Variants in ARIH2 observed in about 807,000 individuals in gnomAD.
ARIH2 encodes the protein ariadne RBR E3 ubiquitin protein ligase 2.
A neutral mutation model predicts 79.8 loss-of-function variants in ARIH2; 12 were observed. The observed-to-expected ratio is 0.15, with a 90% CI of 0.10 to 0.24. The LOEUF is 0.24. Ranked by LOEUF, ARIH2 falls within the 10% of genes least tolerant of loss-of-function variation. The pLI is 1.00. For synonymous variants in ARIH2, 224 were observed against 213.9 expected (o/e 1.05, Z -0.41); for missense variants, 301 against 618.3 (o/e 0.49, Z 5.44).
intron 3 of ARIH2, among the ~76,000 whole-genome samples, chr3:48,956,898 G>A (rs1020269602): frequency 6.6e-6 from 1 of 151,836 alleles, no homozygotes; most frequent in Non-Finnish European, 1.5e-5. Context: ...TTAGAGACGG[G>A]GTTTCACCAT....
chr3:48,925,788 G>C (rs1018453282), intron 2 of ARIH2, among the ~76,000 whole-genome samples: 4 of 149,590 alleles, frequency 2.7e-5, no homozygotes, highest in African/African-American at 9.9e-5. Context: ...GCGGGATCTC[G>C]GCTCACTGCA....
intron 1 of ARIH2, chr3:48,919,233 GCCACCGCCTCTGACCAA>G: frequency 8.0e-7 from 1 of 1,250,654 alleles, no homozygotes. Flanking sequence ...AAGGTCAGAG[GCCACCGCCTCTGACCAA>G]CCGGCGCCGG....
intron 13 of ARIH2, 141 bp from the exon 14 acceptor site, chr3:48,981,519 G>T: frequency 5.7e-6 from 3 of 522,396 alleles, no homozygotes; most frequent in African/African-American, 2.0e-5. Flanking sequence ...TCCTCTATTT[G>T]GCCTAGTATC....
At chr3:48,982,851 G>T in intron 14 of ARIH2, 45 bp from the exon 15 acceptor site, 1 of 1,525,746 alleles carries the variant, frequency 6.6e-7, no homozygotes, top group Non-Finnish European at 9.1e-7. Context: ...CCCTGCCCCA[G>T]CCACAGCCCA....
chr3:48,968,467 C>T (rs750765373), intron 6 of ARIH2, 67 bp from the exon 7 acceptor site: 1 of 1,538,106 alleles, frequency 6.5e-7, no homozygotes, highest in Non-Finnish European at 8.9e-7. Context: ...CCTTGGCCTC[C>T]CAAAGTGCTG....
At chr3:48,926,467 A>G (rs1314491788) in intron 2 of ARIH2, among the ~76,000 whole-genome samples, 2 of 151,604 alleles carry the variant, frequency 1.3e-5, no homozygotes, top group African/African-American at 2.4e-5. Flanking sequence ...ACAGGGTTTC[A>G]CCATATTAGC....
rs2092852083 is a variant in ARIH2 at position 48,984,515 on chromosome 3, G to A, written c.*1245G>A. ...TGTACTAAGGAGGGTCTGGCCAGAG[G>A]AACAGACCAGCTTTTGCACAATGAA... On this transcript the variant is annotated 3_prime_UTR_variant, in exon 16 of 16. Coordinates refer to ENST00000356401, the MANE Select transcript of ARIH2 (RefSeq NM_006321.4). 6.6e-6 allele frequency: 1 copy of A among 152,362 alleles called. No individual in the cohort carries two copies. The highest frequency in any genetic ancestry group is 6.5e-5 in the Admixed American group (1 of 15,282). The allele number at this position is 152,362 out of a possible 1,614,324, so 9.4% of individuals were successfully genotyped here.
chr3:48,940,814 T>A (rs866500807), intron 3 of ARIH2, among the ~76,000 whole-genome samples: 2,845 of 114,908 alleles, frequency 0.025, 130 homozygotes, highest in African/African-American at 0.096. Context: ...AAAAAATATA[T>A]ATATATATAT....
chr3:48,952,763 A>G (rs771942577), intron 3 of ARIH2, among the ~76,000 whole-genome samples: 1 of 152,178 alleles, frequency 6.6e-6, no homozygotes, highest in African/African-American at 2.4e-5. Flanking sequence ...AGGTGCTGCA[A>G]AAGACATCAT....
rs1230339558 is a variant in ARIH2, at chr3:48,979,467, C to T, written c.962-15C>T. The T allele has an allele frequency of 6.2e-7, 1 of 1,611,554 alleles. No homozygotes were observed. Among genetic ancestry groups the T allele is most frequent in the Admixed American group, 1.7e-5 (1 of 59,780 alleles). ...GTCTTGTAGATGTAAATGACTCTTC[C>T]TCTGTTCTGCACAGACTTCTGCTGG... On this transcript the variant is annotated splice_polypyrimidine_tract_variant and intron_variant, in intron 11 of 15. Coordinates refer to ENST00000356401, the MANE Select transcript of ARIH2 (RefSeq NM_006321.4).
At chr3:48,919,305 G>GA in intron 1 of ARIH2, 1 of 934,794 alleles carries the variant, frequency 1.1e-6, no homozygotes. Flanking sequence ...GGGGAAACGC[G>GA]CCGCCTCGGG....
intron 13 of ARIH2, among the ~76,000 whole-genome samples, chr3:48,980,892 A>C (rs1025457328): frequency 2.0e-5 from 3 of 151,100 alleles, no homozygotes; most frequent in African/African-American, 7.3e-5. Context: ...ATGGTGGTGC[A>C]TGCCTGTAGT....
rs190869856 is a variant in ARIH2, at chr3:48,980,254, G to A, written c.1114-99G>A. ...GGGGAATAAGTTAGAGGAGTCTGTG[G>A]CCATGTCCTGCCAGCAAGGTGTCTA... On this transcript the variant is annotated intron_variant, in intron 12 of 15. Coordinates refer to ENST00000356401, the MANE Select transcript of ARIH2 (RefSeq NM_006321.4). 7 of 1,260,468 alleles carry A rather than the reference G, an allele frequency of 5.6e-6. No homozygotes were observed. The African/African-American group carries it at 1.0e-4, about 19-fold the overall frequency. The allele number at this position is 1,260,468 out of a possible 1,614,324, so 78.1% of individuals were successfully genotyped here.
chr3:48,928,335 T>C (rs982444069), intron 3 of ARIH2, among the ~76,000 whole-genome samples: 1 of 152,216 alleles, frequency 6.6e-6, no homozygotes, highest in African/African-American at 2.4e-5. Flanking sequence ...TAGGGGGTGT[T>C]AGTATGGAAA....
chr3:48,932,822 G>T (rs2086552392), intron 3 of ARIH2, among the ~76,000 whole-genome samples: 1 of 152,198 alleles, frequency 6.6e-6, no homozygotes, highest in South Asian at 2.1e-4. Context: ...GCTAGATCTA[G>T]TCCAGGAGGT....
At chr3:48,933,879 C>T (rs958822710) in intron 3 of ARIH2, among the ~76,000 whole-genome samples, 4 of 152,142 alleles carry the variant, frequency 2.6e-5, no homozygotes, top group Non-Finnish European at 4.4e-5. Context: ...GCCTGTTCCC[C>T]AGATAGGATT....
At position 48,937,907 on chromosome 3, in the gene ARIH2, C is replaced by T. The variant is rs190287427; in HGVS notation, c.255+10094C>T. On this transcript the variant is annotated intron_variant, in intron 3 of 15. Transcript: ENST00000356401. ...CTAAAAATACAAAAAATTAGCCGGT[C>T]GTAGTGGCGGGCGCCTGTAGTCCCA... Among the ~76,000 whole-genome samples the T allele has an allele frequency of 3.5e-4, 53 of 152,044 alleles. 1 individual carries two copies. The East Asian group carries it at 8.3e-3, about 24-fold the overall frequency.
At chr3:48,980,609 C>T in intron 13 of ARIH2, 113 bp downstream of exon 13, 2 of 1,236,198 alleles carry the variant, frequency 1.6e-6, no homozygotes, top group African/African-American at 1.5e-5. Context: ...CCCTGTGCAG[C>T]CTTTCATGCT....
rs370396255 is a variant in ARIH2, at chr3:48,974,968, A to G, written c.950A>G (p.Lys317Arg). 5 of 1,614,078 alleles carry G rather than the reference A, an allele frequency of 3.1e-6. No individual in the cohort carries two copies. In the African/African-American group the frequency reaches 4.0e-5, roughly 13 times the overall value. Residue 317 changes from lysine (K) to arginine (R), a missense_variant, in exon 11 of 16, where the codon AAA becomes AGA. This residue lies in a region of ARIH2 where 78 missense variants were observed against 268.9 expected (regional missense o/e 0.29). Transcript: ENST00000356401. The stretch of plus-strand genomic sequence containing the variant: ...GTTTCCCTCTGACAGCAATGCTCCA[A>G]ATGTAAACACGGTGAGTTCCAAGCT... ...NGGCNHMQCSKCKHDFCWMCL... is the reference protein window; with the variant it reads ...NGGCNHMQCSRCKHDFCWMCL...
Sources: allele counts gnomAD v4.1 joint callset (sites outside exome capture counted in the v4.1 genomes callset), GRCh38; gene constraint gnomAD v4.1.1; regional missense constraint gnomAD v4.1.1; transcripts MANE v1.5; gene names NCBI Gene and HGNC (gene_info 2026-07-23, HGNC 2026-07-21).